Variants in GMDS observed in about 807,000 individuals in gnomAD.
GMDS encodes GDP-mannose 4,6 dehydratase.
A neutral mutation model predicts 49.9 loss-of-function variants in GMDS; 20 were observed. That is an observed-to-expected ratio of 0.40 (90% CI 0.28 to 0.58). The LOEUF is 0.58. Among genes scored for constraint, GMDS ranks in the 20% least tolerant of loss-of-function variants. The pLI is 0.42. For synonymous variants in GMDS, 177 were observed against 178.6 expected, an observed-to-expected ratio of 0.99 and a Z score of 0.07; for missense variants, 362 against 481.4, an observed-to-expected ratio of 0.75 and a Z score of 2.32.
At chr6:2,183,892 T>C (rs936675051) in intron 1 of GMDS, among the ~76,000 whole-genome samples, 3 of 152,232 alleles carry the variant, frequency 2.0e-5, no homozygotes, top group Admixed American at 6.5e-5. Context: ...TAGCATAAGA[T>C]ATACTTTAGT....
chr6:1,841,660 C>T (rs373627866), intron 7 of GMDS, among the ~76,000 whole-genome samples: 2 of 152,110 alleles, frequency 1.3e-5, no homozygotes, highest in East Asian at 3.8e-4. Context: ...CCTATTTTTG[C>T]TGTAGTGTCA....
At chr6:2,022,758 A>G (rs989105313) in intron 4 of GMDS, among the ~76,000 whole-genome samples, 4 of 152,210 alleles carry the variant, frequency 2.6e-5, no homozygotes, top group Non-Finnish European at 5.9e-5. Flanking sequence ...CCAAAAGAGC[A>G]GAGATTTTAC....
At chr6:2,065,165 T>G (rs1360382014) in intron 4 of GMDS, among the ~76,000 whole-genome samples, 1 of 152,116 alleles carries the variant, frequency 6.6e-6, no homozygotes. Context: ...AGGGGCAGAC[T>G]GACACCTCAC....
chr6:1,979,672 T>C (rs1347883184), intron 4 of GMDS, among the ~76,000 whole-genome samples: 1 of 152,116 alleles, frequency 6.6e-6, no homozygotes, highest in Admixed American at 6.5e-5. Context: ...TAGGCCAACA[T>C]TCAAATTCAG....
At chr6:2,187,111 A>G (rs551741870) in intron 1 of GMDS, among the ~76,000 whole-genome samples, 2 of 152,306 alleles carry the variant, frequency 1.3e-5, no homozygotes, top group African/African-American at 4.8e-5. Context: ...ATTCATCAGC[A>G]AAGTTCACAA....
In GMDS at chr6:1,865,205, T is replaced by C. The variant is rs563116544; in HGVS notation, c.771+64898A>G. ...CAATTAAGTTTTCTTGAGAACTTTATCCTCTTCATTTTGTCCTTAATTATA... is the reference window on the plus strand; with the variant it reads ...CAATTAAGTTTTCTTGAGAACTTTACCCTCTTCATTTTGTCCTTAATTATA... On this transcript the variant is annotated intron_variant, in intron 7 of 10. Coordinates refer to ENST00000380815, the MANE Select transcript of GMDS (RefSeq NM_001500.4). Among the ~76,000 whole-genome samples, 3 of 152,342 alleles carry C rather than the reference T, an allele frequency of 2.0e-5. No homozygotes were observed. In the East Asian group the frequency reaches 5.8e-4, roughly 29 times the overall value.
At chr6:1,713,458 C>T (rs6936881) in intron 9 of GMDS, among the ~76,000 whole-genome samples, 74,741 of 152,206 alleles carry the variant, frequency 0.49, 20,465 homozygotes, top group South Asian at 0.71. Flanking sequence ...CCGTGGCTCC[C>T]TCCCACTGCC....
intron 7 of GMDS, among the ~76,000 whole-genome samples, chr6:1,781,668 A>G (rs1769091989): frequency 6.6e-6 from 1 of 152,200 alleles, no homozygotes; most frequent in African/African-American, 2.4e-5. Context: ...GTCAGCCGGG[A>G]GAATAACATC....
intron 4 of GMDS, among the ~76,000 whole-genome samples, chr6:2,058,711 C>G (rs9501792): frequency 6.6e-6 from 1 of 152,146 alleles, no homozygotes; most frequent in African/African-American, 2.4e-5. Context: ...GGAGTCAAGA[C>G]AGAAGAATCT....
At chr6:2,217,360 C>G (rs1780388386) in intron 1 of GMDS, among the ~76,000 whole-genome samples, 1 of 152,014 alleles carries the variant, frequency 6.6e-6, no homozygotes, top group South Asian at 2.1e-4. Flanking sequence ...ATATTTTTAA[C>G]ATACTATAAT....
intron 9 of GMDS, among the ~76,000 whole-genome samples, chr6:1,689,887 A>G (rs1343910782): frequency 7.7e-6 from 1 of 130,686 alleles, no homozygotes; most frequent in East Asian, 2.3e-4. Flanking sequence ...ACAACAGCAT[A>G]GAAAACAAGT....
chr6:1,997,028 G>A (rs1310691992), intron 4 of GMDS, among the ~76,000 whole-genome samples: 3 of 151,840 alleles, frequency 2.0e-5, no homozygotes, highest in Non-Finnish European at 4.4e-5. Flanking sequence ...GGAGGGAACG[G>A]CCATGGTATT....
At chr6:2,206,027 G>A (rs1185711489) in intron 1 of GMDS, among the ~76,000 whole-genome samples, 1 of 152,146 alleles carries the variant, frequency 6.6e-6, no homozygotes, top group African/African-American at 2.4e-5. Flanking sequence ...GGGAGGCCAA[G>A]GCGGGCAGAT....
At chr6:2,080,599 G>A (rs1397567461) in intron 4 of GMDS, among the ~76,000 whole-genome samples, 1 of 152,196 alleles carries the variant, frequency 6.6e-6, no homozygotes, top group Non-Finnish European at 1.5e-5. Context: ...AGTTATCTGT[G>A]ATTTCCTCAG....
chr6:2,110,634 C>T (rs978308802), intron 4 of GMDS, among the ~76,000 whole-genome samples: 29 of 152,132 alleles, frequency 1.9e-4, no homozygotes, highest in African/African-American at 6.8e-4. Flanking sequence ...AATCTGCTAA[C>T]TTGTCCCGCA....
intron 7 of GMDS, among the ~76,000 whole-genome samples, chr6:1,877,672 G>C (rs1313713816): frequency 3.4e-5 from 5 of 146,772 alleles, no homozygotes; most frequent in Admixed American, 1.3e-4. Flanking sequence ...AAAAAAGACA[G>C]GTCCAATACA....
At position 1,780,990 on chromosome 6, in the gene GMDS, C is replaced by T. The variant is rs868333909; in HGVS notation, c.772-38404G>A. On this transcript the variant is annotated intron_variant, in intron 7 of 10. Coordinates refer to ENST00000380815, the MANE Select transcript of GMDS (RefSeq NM_001500.4). ...AGTTTGAAGACTGGTCTGTGGGGAG[C>T]GAGTTTTTCTCTGAAACTGTTGCAG... Among the ~76,000 whole-genome samples, 103 of 152,074 alleles carry T rather than the reference C, an allele frequency of 6.8e-4. 1 individual carries two copies. The highest frequency in any genetic ancestry group is 2.3e-3 in the African/African-American group (95 of 41,388).
At chr6:1,848,602 T>G (rs77702119) in intron 7 of GMDS, among the ~76,000 whole-genome samples, 4,229 of 152,330 alleles carry the variant, frequency 0.028, 189 homozygotes, top group African/African-American at 0.096. Context: ...TGCTGTAAGC[T>G]AATGTTTGAG....
At chr6:1,650,291 T>C (rs1330572306) in intron 9 of GMDS, among the ~76,000 whole-genome samples, 9 of 151,926 alleles carry the variant, frequency 5.9e-5, no homozygotes, top group Non-Finnish European at 1.2e-4. Flanking sequence ...TCTCTTTTGA[T>C]CCAACTCATG....
Sources: gnomAD v4.1 joint callset for allele counts (sites outside exome capture counted in the v4.1 genomes callset) on GRCh38, gnomAD v4.1.1 for gene constraint, MANE v1.5 for transcripts, NCBI Gene and HGNC (gene_info 2026-07-23, HGNC 2026-07-21) for gene names.